The following CDKL4 variants were observed in gnomAD, a reference collection of about 807,000 sequenced individuals.
CDKL4 encodes cyclin-dependent kinase-like 4.
CDKL4 carries 44 observed loss-of-function variants against 42.0 expected under a neutral mutation model. The ratio of observed to expected loss-of-function variants is 1.05; its 90% confidence interval spans 0.82 to 1.35. The LOEUF is 1.35. CDKL4 is among the 40% of genes most tolerant of loss of function. The probability of loss-of-function intolerance (pLI) is 0.00; values close to 1 mark genes in which losing one functional copy is unlikely to be tolerated. For synonymous variants in CDKL4, 120 were observed against 121.6 expected (o/e 0.99, Z 0.09); for missense variants, 393 against 369.9 (o/e 1.06, Z -0.51).
intron 2 of CDKL4, among the ~76,000 whole-genome samples, chr2:39,227,190 T>C (rs563905976): frequency 1.3e-5 from 2 of 152,350 alleles, no homozygotes; most frequent in East Asian, 3.9e-4. Context: ...ATCACTCTTA[T>C]TCCTAACCCA....
intron 5 of CDKL4, among the ~76,000 whole-genome samples, chr2:39,199,329 G>C (rs1009972589): frequency 6.6e-6 from 1 of 152,026 alleles, no homozygotes; most frequent in African/African-American, 2.4e-5. Flanking sequence ...AAGAAGCAGC[G>C]AGATTGAAAT....
intron 1 of CDKL4, among the ~76,000 whole-genome samples, chr2:39,238,595 A>T (rs1179290480): frequency 6.6e-6 from 1 of 152,246 alleles, no homozygotes; most frequent in East Asian, 1.9e-4. Context: ...TATTTATATT[A>T]AAAATTTATC....
intron 1 of CDKL4, among the ~76,000 whole-genome samples, chr2:39,230,793 T>C (rs1425596380): frequency 6.6e-6 from 1 of 152,182 alleles, no homozygotes; most frequent in African/African-American, 2.4e-5. Flanking sequence ...GTTATTTTTA[T>C]CCAATTATAC....
rs77901411 is a variant in CDKL4, at chr2:39,195,122, T to C, written c.455-4620A>G. Among the ~76,000 whole-genome samples, 372 of 152,368 alleles carry C rather than the reference T, an allele frequency of 2.4e-3. 1 individual carries two copies. Among genetic ancestry groups the C allele is most frequent in the Non-Finnish European group, 4.3e-3 (293 of 68,038 alleles). Reference sequence around the variant, plus strand: ...GCTTAGTGTCTTCAAGGTGCATCCATGTCATAGCATATATCAGAATTTCAT... The same window carrying C: ...GCTTAGTGTCTTCAAGGTGCATCCACGTCATAGCATATATCAGAATTTCAT... On this transcript the variant is annotated intron_variant, in intron 5 of 9. Coordinates refer to ENST00000451199, the Ensembl canonical transcript of CDKL4.
chr2:39,183,821 C>G (rs1402694152), intron 8 of CDKL4, among the ~76,000 whole-genome samples: 2 of 152,128 alleles, frequency 1.3e-5, no homozygotes, highest in African/African-American at 2.4e-5. Flanking sequence ...GTATCAGGCT[C>G]TGACTCTCAG....
intron 8 of CDKL4, among the ~76,000 whole-genome samples, chr2:39,179,538 CT>C (rs1675317916): frequency 6.6e-6 from 1 of 152,224 alleles, no homozygotes; most frequent in East Asian, 1.9e-4. Flanking sequence ...GTCAGTGTCT[CT>C]CTGAAAGAGG....
In CDKL4 at chr2:39,205,191, A is replaced by G. The variant is rs79061713; in HGVS notation, c.364-574T>C. On this transcript the variant is annotated intron_variant, in intron 4 of 9. Transcript: ENST00000451199. ...ACCCTGTCTCGAAAACAAAAAATAAAAATAAAAAATTAAATTCAAGAAGAG... is the reference window on the plus strand; with the variant it reads ...ACCCTGTCTCGAAAACAAAAAATAAGAATAAAAAATTAAATTCAAGAAGAG... Among the ~76,000 whole-genome samples the G allele has an allele frequency of 8.6e-3, 1,306 of 152,262 alleles. 22 individuals are homozygous for G. Among genetic ancestry groups the G allele is most frequent in the African/African-American group, 0.029 (1,218 of 41,536 alleles).
intron 8 of CDKL4, among the ~76,000 whole-genome samples, chr2:39,182,743 T>C (rs564664220): frequency 1.3e-5 from 2 of 152,358 alleles, no homozygotes; most frequent in South Asian, 4.1e-4. Flanking sequence ...GCTGATATAG[T>C]GATAGGATCA....
intron 5 of CDKL4, among the ~76,000 whole-genome samples, chr2:39,203,830 C>T (rs1440168029): frequency 6.6e-6 from 1 of 152,180 alleles, no homozygotes; most frequent in African/African-American, 2.4e-5. Flanking sequence ...TACCACAAAG[C>T]ACAGCAACCT....
At position 39,197,898 on chromosome 2, in the gene CDKL4, A is replaced by G. The variant is rs547365275; in HGVS notation, c.454+6629T>C. Among the ~76,000 whole-genome samples, 5 of 152,280 alleles carry G rather than the reference A, an allele frequency of 3.3e-5. No individual in the cohort carries two copies. In the South Asian group the frequency reaches 8.3e-4, roughly 25 times the overall value. On this transcript the variant is annotated intron_variant, in intron 5 of 9. Transcript: ENST00000451199. The stretch of plus-strand genomic sequence containing the variant: ...AAAATAGAATCTCCTTAAAGCATAA[A>G]TCTCACAGGACCTATAAAACAGCAA...
intron 9 of CDKL4, 23 bp downstream of exon 9, chr2:39,179,164 C>T (rs752339544): frequency 5.0e-6 from 8 of 1,588,274 alleles, no homozygotes; most frequent in Non-Finnish European, 6.8e-6. Flanking sequence ...TTTTATAGCA[C>T]TTTAACTTTT....
intron 6 of CDKL4, among the ~76,000 whole-genome samples, chr2:39,189,103 C>A (rs1053382213): frequency 3.9e-5 from 6 of 152,222 alleles, no homozygotes; most frequent in Non-Finnish European, 5.9e-5. Context: ...ATCTACCCCA[C>A]ATTTTTCATG....
At chr2:39,188,882 G>C (rs1676003517) in intron 6 of CDKL4, among the ~76,000 whole-genome samples, 1 of 151,998 alleles carries the variant, frequency 6.6e-6, no homozygotes, top group Non-Finnish European at 1.5e-5. Flanking sequence ...TGCAGATATG[G>C]GGTCTGCCTA....
chr2:39,240,003 T>G (rs1679578492), intron 1 of CDKL4, among the ~76,000 whole-genome samples: 1 of 151,994 alleles, frequency 6.6e-6, no homozygotes, highest in Non-Finnish European at 1.5e-5. Context: ...GGCAGGAGAA[T>G]TGCTTGAACC....
At chr2:39,170,712 C>T (rs1230398160), downstream of CDKL4, among the ~76,000 whole-genome samples, 1 of 152,106 alleles carries the variant, frequency 6.6e-6, no homozygotes, top group Non-Finnish European at 1.5e-5. Context: ...ACCTCAGCCT[C>T]CCAAAGTGCT....
intron 9 of CDKL4, chr2:39,178,490 C>T (rs1675258864): frequency 7.1e-7 from 1 of 1,400,716 alleles, no homozygotes; most frequent in Non-Finnish European, 9.8e-7. Flanking sequence ...GTTTTAGGTG[C>T]CGGGTTTACA....
At chr2:39,169,094 A>G in the CDKL4 span, among the ~76,000 whole-genome samples, 2 of 152,160 alleles carry the variant, frequency 1.3e-5, no homozygotes, top group Non-Finnish European at 2.9e-5. Flanking sequence ...CACAATTCAG[A>G]TATATCTGTA....
intron 3 of CDKL4, among the ~76,000 whole-genome samples, chr2:39,220,831 C>T (rs112856812): frequency 0.011 from 1,738 of 151,804 alleles, 11 homozygotes; most frequent in Middle Eastern, 0.031. Flanking sequence ...AAGTGATCTG[C>T]CCTCCTCGGC....
chr2:39,171,919 C>A (rs1401963274), downstream of CDKL4, among the ~76,000 whole-genome samples: 1 of 152,062 alleles, frequency 6.6e-6, no homozygotes, highest in Non-Finnish European at 1.5e-5. Flanking sequence ...CCCAGGTGAT[C>A]CAGAAACTGC....
Sources: allele counts gnomAD v4.1 joint callset (sites outside exome capture counted in the v4.1 genomes callset), GRCh38; gene constraint gnomAD v4.1.1; transcripts MANE v1.5; gene names NCBI Gene and HGNC (gene_info 2026-07-23, HGNC 2026-07-21).